The following RABL6 variants were observed in gnomAD, a reference collection of about 807,000 sequenced individuals.
RABL6 encodes the protein rab-like protein 6.
In RABL6, 28 loss-of-function variants were observed where a neutral mutation model predicts 72.9. The ratio of observed to expected loss-of-function variants is 0.38; its 90% CI spans 0.28 to 0.53. The LOEUF (loss-of-function observed/expected upper bound fraction) is 0.53, where lower values mean the gene tolerates loss of function less well. Among genes scored for constraint, RABL6 ranks in the 20% least tolerant of loss-of-function variants. The pLI, the probability that RABL6 is intolerant of heterozygous loss-of-function variation, is 0.80. For missense variants in RABL6, 1,029 were observed against 1,008.4 expected (o/e 1.02, Z -0.28); for synonymous variants, 477 against 421.2 (o/e 1.13, Z -1.62).
At chr9:136,821,878 C>T in intron 1 of RABL6, 1 of 1,266,582 alleles carries the variant, frequency 7.9e-7, no homozygotes, top group African/African-American at 1.6e-5. Context: ...TGGCTGCCCC[C>T]AGCCGGTGCG....
intron 2 of RABL6, 105 bp from the exon 3 acceptor site, chr9:136,825,674 G>A (rs1000556063): frequency 4.0e-6 from 5 of 1,251,204 alleles, no homozygotes; most frequent in African/African-American, 1.5e-5. Context: ...AGTCCTGGTG[G>A]GAGCCGGTGG....
At chr9:136,824,288 T>G (rs1848304077) in intron 2 of RABL6, among the ~76,000 whole-genome samples, 1 of 151,788 alleles carries the variant, frequency 6.6e-6, no homozygotes, top group Non-Finnish European at 1.5e-5. Flanking sequence ...GGGCTGGTTT[T>G]TTTGTTTGTT....
chr9:136,831,493 G>A (rs567098740), intron 5 of RABL6, among the ~76,000 whole-genome samples: 83 of 152,234 alleles, frequency 5.5e-4, no homozygotes, highest in African/African-American at 1.9e-3. Context: ...GTGCGGTCAA[G>A]TACCTGCCGT....
At chr9:136,822,050 G>A in intron 1 of RABL6, 2 of 1,289,662 alleles carry the variant, frequency 1.6e-6, no homozygotes, top group South Asian at 1.2e-5. Context: ...AATGACTGTG[G>A]GAACAGGTGC....
chr9:136,812,721 G>C, intron 1 of RABL6: 1 of 298,626 alleles, frequency 3.3e-6, no homozygotes, highest in South Asian at 3.9e-5. Flanking sequence ...ATCAGGTAAC[G>C]GAATAAAAAC....
rs777994206 is a variant in RABL6, at chr9:136,837,893, G to C, written c.1158G>C (p.Thr386=). ...TCCCGGCCGCAGAGGGCCCAGCAACGGTCCAGAGTGTGGAGGACTTTGTTC... is the reference window on the plus strand; with the variant it reads ...TCCCGGCCGCAGAGGGCCCAGCAACCGTCCAGAGTGTGGAGGACTTTGTTC... ...EPVPAAEGPA[T]VQSVEDFVPD... Residue 386 remains threonine, a synonymous_variant, in exon 10 of 15, where the codon ACG becomes ACC. Transcript: ENST00000311502. The C allele has an allele frequency of 3.2e-6, 5 of 1,550,540 alleles. No individual in the cohort carries two copies.
At chr9:136,821,405 C>T (rs1848233456) in intron 1 of RABL6, 22 of 985,440 alleles carry the variant, frequency 2.2e-5, no homozygotes, top group Non-Finnish European at 2.7e-5. Flanking sequence ...GCCGCCTGAG[C>T]GGTGCCGGGG....
chr9:136,815,490 A>C, intron 1 of RABL6: 2 of 256,678 alleles, frequency 7.8e-6, no homozygotes, highest in South Asian at 4.8e-5. Flanking sequence ...GGGAGCAGCC[A>C]TTTTCTTGGG....
chr9:136,812,906 C>A, intron 1 of RABL6: 1 of 351,910 alleles, frequency 2.8e-6, no homozygotes, highest in South Asian at 2.6e-5. Flanking sequence ...TCCTCTACCT[C>A]CATCACAACC....
At chr9:136,833,748 G>A in intron 7 of RABL6, 1 of 1,550,496 alleles carries the variant, frequency 6.4e-7, no homozygotes, top group South Asian at 1.2e-5. Context: ...CAGGAAAGGG[G>A]CTGTGCTGTC....
At chr9:136,824,944 T>C (rs1403855770) in intron 2 of RABL6, among the ~76,000 whole-genome samples, 1 of 152,214 alleles carries the variant, frequency 6.6e-6, no homozygotes, top group African/African-American at 2.4e-5. Flanking sequence ...ATGTGATTGG[T>C]GTGGGGGCAG....
rs201833067 is a variant in RABL6, at chr9:136,840,404, G to T, written c.2072G>T (p.Arg691Leu). Residue 691 changes from arginine to leucine, a missense_variant, in exon 15 of 15, where the codon CGG (arginine) becomes CTG (leucine). Around this residue, in one of 2 missense-constraint regions of RABL6, gnomAD observed 595 missense variants for 472.4 expected, o/e 1.26. Transcript: ENST00000311502. ...KEEGKEERRRRQQRPPRSRER... is the reference protein window; with the variant it reads ...KEEGKEERRRLQQRPPRSRER... ...GAGGGCAAGGAGGAGCGGCGACGGC[G>T]GCAGCAGCGGCCCCCGCGCAGCAGG... 1 of 1,550,652 alleles carries T rather than the reference G, an allele frequency of 6.4e-7. No homozygotes were observed. The highest frequency in any genetic ancestry group is 8.7e-7 in the Non-Finnish European group (1 of 1,147,242).
rs1233022262 is a variant in RABL6 at position 136,832,374 on chromosome 9, A to G, written c.705+4A>G. On this transcript the variant is annotated splice_donor_region_variant and intron_variant, in intron 7 of 14. Transcript: ENST00000311502. ...TATCCCATTTTTGCAGCTTCAGGTA[A>G]GCACTCACCACGTGGGGTGGAGTGG... 6.2e-7 allele frequency: 1 copy of G among 1,602,938 alleles called. No individual in the cohort carries two copies. The highest frequency in any genetic ancestry group is 1.1e-5 in the South Asian group (1 of 90,858).
intron 2 of RABL6, among the ~76,000 whole-genome samples, chr9:136,824,330 T>G (rs1237193862): frequency 7.3e-6 from 1 of 137,126 alleles, no homozygotes; most frequent in African/African-American, 2.8e-5. Context: ...GGTTGGGTTT[T>G]TTTTTTTTTT....
rs1564355512 is a variant in RABL6, at chr9:136,809,083, C to T, written c.130+757C>T. The T allele has an allele frequency of 2.0e-5, 3 of 152,358 alleles. No homozygotes were observed. In the Middle Eastern group the frequency reaches 0.01, roughly 518 times the overall value. The allele number at this position is 152,358 out of a possible 1,614,324, so 9.4% of individuals were successfully genotyped here. On this transcript the variant is annotated intron_variant, in intron 1 of 14. Coordinates refer to ENST00000311502, the MANE Select transcript of RABL6 (RefSeq NM_024718.5). The stretch of plus-strand genomic sequence containing the variant: ...GTTTTTGAAAGCTTTTATGTGGTTC[C>T]CTGTTTTGACATTGCTTCCCTCTTA...
At position 136,840,437 on chromosome 9, in the gene RABL6, C is replaced by A; in HGVS notation, c.2105C>A (p.Thr702Lys). The A allele has an allele frequency of 6.5e-7, 1 of 1,548,214 alleles. No homozygotes were observed. The highest frequency in any genetic ancestry group is 8.7e-7 in the Non-Finnish European group (1 of 1,146,246). ...CGGCCCCCGCGCAGCAGGGAGAGGA[C>A]GGCTGCCGATGAGCTGGAGGCTTTC... ...QQRPPRSRER[T>K]AADELEAFLG... is the part of the protein sequence containing the mutation. Residue 702 changes from threonine to lysine, a missense_variant, in exon 15 of 15, where the codon ACG (threonine) becomes AAG (lysine). By Grantham distance (78) the Thr-to-Lys change is moderately conservative (BLOSUM62 -1). Coordinates refer to ENST00000311502, the MANE Select transcript of RABL6 (RefSeq NM_024718.5).
At chr9:136,833,810 G>A (rs1285875121) in intron 7 of RABL6, 12 of 1,550,538 alleles carry the variant, frequency 7.7e-6, no homozygotes, top group African/African-American at 1.4e-5. Context: ...CTGCTGCTGG[G>A]GACGTTTGGG....
At chr9:136,828,881 C>T (rs368649758) in intron 4 of RABL6, among the ~76,000 whole-genome samples, 11 of 152,172 alleles carry the variant, frequency 7.2e-5, no homozygotes, top group African/African-American at 1.2e-4. Context: ...GCGCCATGGG[C>T]GTGAGTTTCG....
chr9:136,840,060 C>A, intron 13 of RABL6, 94 bp from the exon 14 acceptor site: 2 of 1,568,704 alleles, frequency 1.3e-6, no homozygotes, highest in Non-Finnish European at 1.8e-6. Context: ...AGGGCTGGGG[C>A]TCGCTGCTTT....
Sources: gnomAD v4.1 joint callset for allele counts (sites outside exome capture counted in the v4.1 genomes callset) on GRCh38, gnomAD v4.1.1 for gene constraint, gnomAD v4.1.1 regional missense constraint, MANE v1.5 for transcripts, NCBI Gene and HGNC (gene_info 2026-07-23, HGNC 2026-07-21) for gene names.